Variants in CYTIP observed in about 807,000 individuals in gnomAD.
CYTIP encodes cytohesin 1 interacting protein.
CYTIP carries 26 observed loss-of-function variants against 43.8 expected under a neutral mutation model. The observed-to-expected ratio is 0.59, with a 90% CI of 0.44 to 0.82. CYTIP has a LOEUF of 0.82. Ranked by LOEUF, CYTIP falls within the 40% of genes least tolerant of loss-of-function variation. The pLI is 0.00. For missense variants in CYTIP, 426 were observed against 443.1 expected, an observed-to-expected ratio of 0.96 and a Z score of 0.35; for synonymous variants, 162 against 162.9, an observed-to-expected ratio of 0.99 and a Z score of 0.04.
chr2:157,442,721 C>T (rs1573864928), intron 1 of CYTIP, among the ~76,000 whole-genome samples: 1 of 151,980 alleles, frequency 6.6e-6, no homozygotes, highest in East Asian at 1.9e-4. Flanking sequence ...AAAATTGTGC[C>T]CTTATCTTCA....
chr2:157,433,806 A>T (rs1685750663), intron 3 of CYTIP, among the ~76,000 whole-genome samples: 1 of 152,216 alleles, frequency 6.6e-6, no homozygotes, highest in Admixed American at 6.5e-5. Context: ...AATGTTCTCA[A>T]GTGTTTCAAA....
At chr2:157,418,341 T>C (rs36100105) in intron 7 of CYTIP, among the ~76,000 whole-genome samples, 182 bp downstream of exon 7, 2,392 of 152,322 alleles carry the variant, frequency 0.016, 34 homozygotes, top group South Asian at 0.035. Flanking sequence ...GGATCTGACT[T>C]GCCTTACCCC....
At chr2:157,435,276 T>C (rs1042724733) in intron 1 of CYTIP, among the ~76,000 whole-genome samples, 5 of 152,206 alleles carry the variant, frequency 3.3e-5, no homozygotes, top group Admixed American at 3.3e-4. Flanking sequence ...GTGTTTACTA[T>C]AATAATTCAA....
intron 5 of CYTIP, among the ~76,000 whole-genome samples, chr2:157,427,999 C>T (rs1685640179): frequency 6.6e-6 from 1 of 152,206 alleles, no homozygotes; most frequent in Non-Finnish European, 1.5e-5. Flanking sequence ...AGTACAACTA[C>T]TATGACATAA....
Position 157,437,698 on chromosome 2 carries a change from CAAAAAAAAAAAGA to C in CYTIP, c.175-2964_175-2952del, listed in dbSNP as rs1359993613. Among the ~76,000 whole-genome samples, 5 of 118,434 alleles carry C rather than the reference CAAAAAAAAAAAGA, an allele frequency of 4.2e-5. No individual in the cohort carries two copies. In the South Asian group the frequency reaches 8.4e-4, roughly 20 times the overall value. The allele number at this position is 118,434 out of a possible 152,430, so 77.7% of individuals were successfully genotyped here. ...CTGGCGACAGAGTGAGACTCCATCT[CAAAAAAAAAAAGA>C]AAAAAAAAAAAGAAAGGAAGAAAAA... On this transcript the variant is annotated intron_variant, in intron 1 of 7. Transcript: ENST00000264192.
At chr2:157,431,026 TA>T in intron 3 of CYTIP, 64 bp from the exon 4 acceptor site, 2 of 1,287,090 alleles carry the variant, frequency 1.6e-6, no homozygotes, top group Non-Finnish European at 2.2e-6. Context: ...TGCCAAAATT[TA>T]AAATGATGTC....
chr2:157,430,276 A>G (rs1685689837), intron 5 of CYTIP, among the ~76,000 whole-genome samples: 2 of 152,198 alleles, frequency 1.3e-5, no homozygotes, highest in Non-Finnish European at 2.9e-5. Flanking sequence ...GTGCCAGTTT[A>G]ATTGAATTTG....
At position 157,415,529 on chromosome 2, in the gene CYTIP, A is replaced by G; in HGVS notation, c.*148T>C. 1.6e-6 allele frequency: 1 copy of G among 626,074 alleles called. No individual in the cohort carries two copies. The highest frequency in any genetic ancestry group is 2.9e-6 in the Non-Finnish European group (1 of 350,082). The allele number at this position is 626,074 out of a possible 1,614,324, so 38.8% of individuals were successfully genotyped here. A position where few individuals can be genotyped will look rare whatever the true frequency, so the allele number is the denominator to read the frequency against. On this transcript the variant is annotated 3_prime_UTR_variant, in exon 8 of 8. Coordinates refer to ENST00000264192, the MANE Select transcript of CYTIP (RefSeq NM_004288.5). Reference sequence around the variant, plus strand: ...AAAAATGATTTAAGAAGCATAAACTATAACACAACAATTTAAATAAAGGTC... The same window carrying G: ...AAAAATGATTTAAGAAGCATAAACTGTAACACAACAATTTAAATAAAGGTC...
chr2:157,427,787 G>C (rs1685635754), intron 5 of CYTIP, among the ~76,000 whole-genome samples: 1 of 152,106 alleles, frequency 6.6e-6, no homozygotes, highest in African/African-American at 2.4e-5. Context: ...AATATTTATT[G>C]GGCATCTACT....
At chr2:157,443,166 T>G (rs1353302420) in intron 1 of CYTIP, among the ~76,000 whole-genome samples, 1 of 152,194 alleles carries the variant, frequency 6.6e-6, no homozygotes, top group Non-Finnish European at 1.5e-5. Flanking sequence ...AGTCACTGTG[T>G]TAGGCACTGC....
At chr2:157,437,909 T>C (rs1685838423) in intron 1 of CYTIP, among the ~76,000 whole-genome samples, 1 of 152,114 alleles carries the variant, frequency 6.6e-6, no homozygotes, top group Admixed American at 6.5e-5. Flanking sequence ...AAGGGAACTT[T>C]CATACACTGT....
intron 6 of CYTIP, among the ~76,000 whole-genome samples, chr2:157,422,239 G>A (rs1685532715): frequency 6.6e-6 from 1 of 152,158 alleles, no homozygotes; most frequent in South Asian, 2.1e-4. Flanking sequence ...TTATCACATT[G>A]TGCTGAAGGG....
At chr2:157,426,831 A>C (rs1447390564) in intron 6 of CYTIP, among the ~76,000 whole-genome samples, 2 of 152,172 alleles carry the variant, frequency 1.3e-5, no homozygotes, top group Admixed American at 6.5e-5. Flanking sequence ...ATTATTTACT[A>C]TCTCTTGGAC....
intron 3 of CYTIP, among the ~76,000 whole-genome samples, chr2:157,433,596 A>G (rs1217491792): frequency 6.7e-6 from 1 of 148,430 alleles, no homozygotes; most frequent in Non-Finnish European, 1.5e-5. Flanking sequence ...CGTACTATGG[A>G]AAAAAAAAAC....
chr2:157,429,699 A>C (rs937004339), intron 5 of CYTIP, among the ~76,000 whole-genome samples: 11 of 152,164 alleles, frequency 7.2e-5, no homozygotes, highest in South Asian at 6.2e-4. Context: ...AAAATCAGTC[A>C]AACCTCTAAT....
chr2:157,435,779 G>T (rs192916337), intron 1 of CYTIP, among the ~76,000 whole-genome samples: 94 of 152,192 alleles, frequency 6.2e-4, no homozygotes, highest in Admixed American at 1.0e-3. Context: ...AATATCAAGA[G>T]ATCAATGCAT....
intron 1 of CYTIP, among the ~76,000 whole-genome samples, chr2:157,435,552 AAAC>A (rs1209591498): frequency 6.6e-6 from 1 of 152,206 alleles, no homozygotes; most frequent in Non-Finnish European, 1.5e-5. Context: ...CTACCACTGT[AAAC>A]AGAAGCAGCA....
intron 6 of CYTIP, among the ~76,000 whole-genome samples, chr2:157,419,220 G>A (rs554236420): frequency 1.5e-4 from 23 of 152,250 alleles, no homozygotes; most frequent in South Asian, 1.5e-3. Context: ...GGCTGATCTC[G>A]AACTCCTGAC....
chr2:157,434,595 TAG>T (rs70987792), intron 2 of CYTIP, 101 bp downstream of exon 2: 20,590 of 688,388 alleles, frequency 0.03, 3 homozygotes, highest in Admixed American at 0.041. Context: ...TGTGTGTGCG[TAG>T]AGAGAGAGAG....
Sources: allele counts gnomAD v4.1 joint callset (sites outside exome capture counted in the v4.1 genomes callset), GRCh38; gene constraint gnomAD v4.1.1; transcripts MANE v1.5; gene names NCBI Gene and HGNC (gene_info 2026-07-23, HGNC 2026-07-21).